MICU1: variants seen among roughly 807,000 people sequenced by gnomAD.
The protein encoded by MICU1 is mitochondrial calcium uptake 1.
Under a neutral mutation model 56.8 loss-of-function variants are expected in MICU1, and 45 were observed. The ratio of observed to expected loss-of-function variants is 0.79; its 90% CI spans 0.62 to 1.02. MICU1 has a LOEUF of 1.02. MICU1 is among the 50% of genes least tolerant of loss of function. The probability of loss-of-function intolerance (pLI) is 0.00; values close to 1 mark genes in which losing one functional copy is unlikely to be tolerated. For missense variants in MICU1, 504 were observed against 587.1 expected (o/e 0.86, Z 1.46); for synonymous variants, 186 against 195.1 (o/e 0.95, Z 0.39).
At chr10:72,442,769 T>A (rs1428496280) in intron 8 of MICU1, among the ~76,000 whole-genome samples, 1 of 152,146 alleles carries the variant, frequency 6.6e-6, no homozygotes, top group Non-Finnish European at 1.5e-5. Flanking sequence ...TTGTCCTTTA[T>A]TTTTTTGAGA....
chr10:72,559,480 T>G (rs956781011), intron 3 of MICU1, among the ~76,000 whole-genome samples: 1 of 151,678 alleles, frequency 6.6e-6, no homozygotes, highest in South Asian at 2.1e-4. Flanking sequence ...TCTCTGAATA[T>G]TTGAAATATT....
intron 4 of MICU1, among the ~76,000 whole-genome samples, chr10:72,548,767 G>C (rs1379219359): frequency 6.6e-6 from 1 of 152,126 alleles, no homozygotes; most frequent in Non-Finnish European, 1.5e-5. Context: ...CACAATCTTG[G>C]CTCACTGCAA....
At chr10:72,489,150 C>T (rs11000327) in intron 6 of MICU1, among the ~76,000 whole-genome samples, 94,208 of 151,486 alleles carry the variant, frequency 0.62, 30,042 homozygotes, top group Non-Finnish European at 0.67. Context: ...ACTAGCTGGG[C>T]ATAGTGGCAC....
At chr10:72,532,990 C>T (rs1349336053) in intron 5 of MICU1, 1 of 1,285,120 alleles carries the variant, frequency 7.8e-7, no homozygotes, top group Non-Finnish European at 1.0e-6. Context: ...CTTTTGTGAT[C>T]CTGCCTTTTC....
chr10:72,372,324 C>T (rs1862372532), intron 11 of MICU1, among the ~76,000 whole-genome samples: 1 of 151,932 alleles, frequency 6.6e-6, no homozygotes, highest in African/African-American at 2.4e-5. Context: ...GCTATGATCG[C>T]ACCACCACAC....
Position 72,508,232 on chromosome 10 carries a change from C to T in MICU1, c.575G>A (p.Gly192Asp). ...TTCTCCAAGGGTGTAAAATATACTG[C>T]CTTCATCAGCAAATTTTTCTCGTTC... ...SQEREKFADEGSIFYTLGECG... is the reference protein window; with the variant it reads ...SQEREKFADEDSIFYTLGECG... The change falls in exon 6 of 12, where the codon GGC (glycine) becomes GAC (aspartate). Residue 192 changes from glycine (G) to aspartate (D), a missense_variant. Physicochemically the swap from Gly to Asp is moderately conservative, Grantham distance 94. Coordinates refer to ENST00000361114, the MANE Select transcript of MICU1 (RefSeq NM_001195518.2). The T allele has an allele frequency of 6.5e-7, 1 of 1,529,278 alleles. No homozygotes were observed. The allele number at this position is 1,529,278 out of a possible 1,614,324, so 94.7% of individuals were successfully genotyped here.
At chr10:72,482,276 G>C (rs914466949) in intron 6 of MICU1, among the ~76,000 whole-genome samples, 31 of 152,102 alleles carry the variant, frequency 2.0e-4, no homozygotes, top group African/African-American at 7.2e-4. Flanking sequence ...TTTTTTGGTA[G>C]CACTGATGGA....
chr10:72,468,294 C>CTTTTTTTT (rs35225891), intron 8 of MICU1, among the ~76,000 whole-genome samples: 1 of 136,650 alleles, frequency 7.3e-6, no homozygotes, highest in Non-Finnish European at 1.6e-5. Context: ...TTAGTTTTTG[C>CTTTTTTTT]TTTTTTTTTT....
At chr10:72,585,276 A>AT (rs1424750143) in intron 1 of MICU1, among the ~76,000 whole-genome samples, 2 of 151,834 alleles carry the variant, frequency 1.3e-5, no homozygotes, top group South Asian at 2.1e-4. Flanking sequence ...TAGTAAGTTC[A>AT]TTTTTTATCT....
At chr10:72,454,922 T>C (rs976595337) in intron 8 of MICU1, among the ~76,000 whole-genome samples, 11 of 152,146 alleles carry the variant, frequency 7.2e-5, no homozygotes, top group Admixed American at 3.9e-4. Flanking sequence ...GATAAGGGAA[T>C]ACCTAATAGA....
At chr10:72,451,498 A>G (rs1006175921) in intron 8 of MICU1, among the ~76,000 whole-genome samples, 2 of 152,202 alleles carry the variant, frequency 1.3e-5, no homozygotes, top group African/African-American at 4.8e-5. Context: ...TACCTTCAAG[A>G]GTATCAGATT....
intron 10 of MICU1, among the ~76,000 whole-genome samples, chr10:72,405,576 CA>C (rs60182582): frequency 0.061 from 7,968 of 129,612 alleles, 568 homozygotes; most frequent in African/African-American, 0.19. Flanking sequence ...AAAGACATTA[CA>C]AAAAAAAAAA....
At chr10:72,420,584 T>C (rs548747680) in intron 9 of MICU1, among the ~76,000 whole-genome samples, 57 of 152,160 alleles carry the variant, frequency 3.7e-4, no homozygotes, top group African/African-American at 1.4e-3. Context: ...CATTGTCCAG[T>C]GGGAAGAGTA....
At position 72,367,859 on chromosome 10, in the gene MICU1, A is replaced by G. The variant is rs1862197022; in HGVS notation, c.*336T>C. 4.2e-6 allele frequency: 1 copy of G among 240,086 alleles called. No homozygotes were observed. The highest frequency in any genetic ancestry group is 8.1e-5 in the East Asian group (1 of 12,334). The allele number at this position is 240,086 out of a possible 1,614,324, so 14.9% of individuals were successfully genotyped here. A position where few individuals can be genotyped will look rare whatever the true frequency, so the allele number is the denominator to read the frequency against. On this transcript the variant is annotated 3_prime_UTR_variant, in exon 12 of 12. Transcript: ENST00000361114. ...ATAGCAAAAACGATTTGAGAACTGG[A>G]TGCTTCCCAGGGTTGGCAGGTGTGT...
At chr10:72,402,329 C>T (rs950659174) in intron 10 of MICU1, among the ~76,000 whole-genome samples, 1 of 152,152 alleles carries the variant, frequency 6.6e-6, no homozygotes, top group African/African-American at 2.4e-5. Flanking sequence ...GACTAGCTGC[C>T]TTACCTGTTA....
At chr10:72,489,052 G>A (rs1224185177) in intron 6 of MICU1, among the ~76,000 whole-genome samples, 2 of 152,180 alleles carry the variant, frequency 1.3e-5, no homozygotes, top group Admixed American at 6.6e-5. Flanking sequence ...ACTTTGGGAG[G>A]CTGAGGCAGG....
chr10:72,479,876 A>T (rs2132278171), intron 6 of MICU1, among the ~76,000 whole-genome samples: 1 of 152,256 alleles, frequency 6.6e-6, no homozygotes, highest in South Asian at 2.1e-4. Context: ...TCAGGTGGAA[A>T]TGTTCTCTCT....
intron 4 of MICU1, among the ~76,000 whole-genome samples, chr10:72,548,016 C>T (rs1839939065): frequency 6.6e-6 from 1 of 152,236 alleles, no homozygotes; most frequent in Non-Finnish European, 1.5e-5. Flanking sequence ...CACCAATTCT[C>T]AGCAGTAAGT....
At chr10:72,544,164 A>G (rs987028048) in intron 4 of MICU1, among the ~76,000 whole-genome samples, 1 of 151,900 alleles carries the variant, frequency 6.6e-6, no homozygotes, top group Non-Finnish European at 1.5e-5. Context: ...GCCCCCAGTC[A>G]CGTACCCGCT....
Sources: allele counts gnomAD v4.1 joint callset (sites outside exome capture counted in the v4.1 genomes callset), GRCh38; gene constraint gnomAD v4.1.1; transcripts MANE v1.5; gene names NCBI Gene and HGNC (gene_info 2026-07-23, HGNC 2026-07-21).